The following DOCK4 variants were observed in gnomAD, a reference collection of about 807,000 sequenced individuals.
DOCK4 encodes the protein dedicator of cytokinesis protein 4.
In DOCK4, 97 loss-of-function variants were observed where a neutral mutation model predicts 268.1. The observed-to-expected ratio is 0.36, with a 90% CI of 0.31 to 0.43. The LOEUF is 0.43. Ranked by LOEUF, DOCK4 falls within the 20% of genes least tolerant of loss-of-function variation. The pLI is 1.00. For synonymous variants in DOCK4, 954 were observed against 887.2 expected, an observed-to-expected ratio of 1.08 and a Z score of -1.34; for missense variants, 2,145 against 2,455.7, an observed-to-expected ratio of 0.87 and a Z score of 2.67.
In DOCK4 at chr7:111,787,760, C is replaced by A. The variant is rs1386795055; in HGVS notation, c.3401+902G>T. On this transcript the variant is annotated intron_variant, in intron 32 of 52. Transcript: ENST00000428084. ...TGATACTTGGGCATAAATACAAACA[C>A]GAATATATTTTGTCATAGAAAAAAA... Among the ~76,000 whole-genome samples, 3 of 152,068 alleles carry A rather than the reference C, an allele frequency of 2.0e-5. 1 individual carries two copies. Among genetic ancestry groups the A allele is most frequent in the Admixed American group, 1.3e-4 (2 of 15,268 alleles).
chr7:111,752,283 A>G (rs1796710371), intron 42 of DOCK4, among the ~76,000 whole-genome samples: 1 of 152,096 alleles, frequency 6.6e-6, no homozygotes, highest in Non-Finnish European at 1.5e-5. Flanking sequence ...CTATAACTTA[A>G]GTTTAAAAAG....
chr7:111,773,661 T>A (rs889331214), intron 36 of DOCK4, among the ~76,000 whole-genome samples: 1 of 152,162 alleles, frequency 6.6e-6, no homozygotes, highest in African/African-American at 2.4e-5. Context: ...TTGTGATGCA[T>A]TTATTTAAAT....
intron 1 of DOCK4, among the ~76,000 whole-genome samples, chr7:112,181,246 G>A (rs1484578334): frequency 6.6e-6 from 1 of 152,086 alleles, no homozygotes; most frequent in Non-Finnish European, 1.5e-5. Flanking sequence ...ATTTGACCCA[G>A]AAATTCCACA....
At chr7:111,781,170 G>GA in intron 35 of DOCK4, among the ~76,000 whole-genome samples, 1 of 152,242 alleles carries the variant, frequency 6.6e-6, no homozygotes, top group Non-Finnish European at 1.5e-5. Flanking sequence ...TGAGAAAGAA[G>GA]ATGGAAGAAT....
chr7:111,936,292 G>A (rs1043920555), intron 11 of DOCK4, among the ~76,000 whole-genome samples: 6 of 152,138 alleles, frequency 3.9e-5, no homozygotes, highest in East Asian at 1.9e-4. Flanking sequence ...GCATCTCTCC[G>A]TCTTTTCACA....
chr7:111,777,773 C>G (rs1798543737), intron 36 of DOCK4, among the ~76,000 whole-genome samples: 1 of 151,988 alleles, frequency 6.6e-6, no homozygotes, highest in Non-Finnish European at 1.5e-5. Context: ...ATAAGTGTCA[C>G]AAGATCTGAT....
intron 1 of DOCK4, among the ~76,000 whole-genome samples, chr7:112,125,780 T>C (rs1243709276): frequency 6.6e-6 from 1 of 152,142 alleles, no homozygotes; most frequent in Non-Finnish European, 1.5e-5. Flanking sequence ...ATATTCTCAA[T>C]AAATGGCAGG....
chr7:111,891,337 A>G (rs57939121), intron 16 of DOCK4, among the ~76,000 whole-genome samples: 3,982 of 152,282 alleles, frequency 0.026, 159 homozygotes, highest in African/African-American at 0.09. Flanking sequence ...CAGTTAAGCA[A>G]TTTTATAAAA....
chr7:112,109,911 A>G (rs905001764), intron 1 of DOCK4, among the ~76,000 whole-genome samples: 1 of 148,488 alleles, frequency 6.7e-6, no homozygotes, highest in African/African-American at 2.6e-5. Context: ...CGCCCGGCTA[A>G]TTTTTTTGTG....
chr7:111,755,741 A>G (rs1040942922), intron 41 of DOCK4, 140 bp from the exon 42 acceptor site: 1 of 724,214 alleles, frequency 1.4e-6, no homozygotes, highest in African/African-American at 1.8e-5. Flanking sequence ...AGCACTCATG[A>G]AACTATCACA....
chr7:112,175,056 G>A (rs941762198), intron 1 of DOCK4, among the ~76,000 whole-genome samples: 4 of 151,202 alleles, frequency 2.6e-5, no homozygotes, highest in African/African-American at 9.7e-5. Flanking sequence ...ATAGAGACAG[G>A]GTTTCACCGT....
At chr7:112,183,979 C>T (rs767627562) in intron 1 of DOCK4, among the ~76,000 whole-genome samples, 1 of 152,136 alleles carries the variant, frequency 6.6e-6, no homozygotes, top group African/African-American at 2.4e-5. Context: ...CGCACCTGCC[C>T]AGGTCTGAGG....
intron 39 of DOCK4, among the ~76,000 whole-genome samples, chr7:111,760,653 G>A (rs1187448491): frequency 1.3e-5 from 2 of 152,058 alleles, no homozygotes; most frequent in East Asian, 3.9e-4. Context: ...AAGCACATGT[G>A]TAAAGATTAT....
At chr7:111,979,535 C>A (rs548696106) in intron 7 of DOCK4, among the ~76,000 whole-genome samples, 1 of 150,762 alleles carries the variant, frequency 6.6e-6, no homozygotes, top group South Asian at 2.1e-4. Context: ...TAAAAATACA[C>A]CTCTAACTAA....
At chr7:111,949,346 C>T (rs139346825) in intron 8 of DOCK4, among the ~76,000 whole-genome samples, 3 of 152,290 alleles carry the variant, frequency 2.0e-5, no homozygotes, top group South Asian at 2.1e-4. Flanking sequence ...CATATCTGTA[C>T]ATTTCATCAA....
intron 42 of DOCK4, among the ~76,000 whole-genome samples, chr7:111,752,743 T>C (rs1398889872): frequency 6.6e-6 from 1 of 151,644 alleles, no homozygotes; most frequent in Non-Finnish European, 1.5e-5. Flanking sequence ...CGTGCCACCA[T>C]GCCCGGCTAC....
chr7:111,987,950 G>A (rs182020136), intron 6 of DOCK4, among the ~76,000 whole-genome samples: 1 of 152,324 alleles, frequency 6.6e-6, no homozygotes, highest in African/African-American at 2.4e-5. Flanking sequence ...GTGAGATGGA[G>A]GTTTAAAAAT....
chr7:112,154,145 T>G (rs931794238), intron 1 of DOCK4, among the ~76,000 whole-genome samples: 1 of 152,050 alleles, frequency 6.6e-6, no homozygotes, highest in South Asian at 2.1e-4. Context: ...CTCATTTTTT[T>G]ATTTTTTGTA....
At chr7:111,941,277 A>G (rs543248233) in intron 10 of DOCK4, among the ~76,000 whole-genome samples, 1 of 152,330 alleles carries the variant, frequency 6.6e-6, no homozygotes, top group Admixed American at 6.5e-5. Flanking sequence ...CTGATGCCAT[A>G]TGTATGGCCA....
Sources: allele counts gnomAD v4.1 joint callset (sites outside exome capture counted in the v4.1 genomes callset), GRCh38; gene constraint gnomAD v4.1.1; transcripts MANE v1.5; gene names NCBI Gene and HGNC (gene_info 2026-07-23, HGNC 2026-07-21).